Variants in DLG2 observed in about 807,000 individuals in gnomAD.
DLG2 encodes the protein disks large homolog 2.
In DLG2, 45 loss-of-function variants were observed where a neutral mutation model predicts 132.5. That is an observed-to-expected ratio of 0.34 (90% CI 0.27 to 0.44). The LOEUF is 0.44. DLG2 is among the 20% of genes least tolerant of loss of function. DLG2 has a pLI of 1.00. For missense variants in DLG2, 1,045 were observed against 1,196.9 expected (o/e 0.87, Z 1.87); for synonymous variants, 424 against 419.6 (o/e 1.01, Z -0.13).
chr11:84,670,426 T>C (rs898452982), intron 6 of DLG2, among the ~76,000 whole-genome samples: 2 of 152,118 alleles, frequency 1.3e-5, no homozygotes, highest in Admixed American at 6.6e-5. Context: ...TTCAGTGATA[T>C]GTTGCCTCTG....
intron 3 of DLG2, among the ~76,000 whole-genome samples, chr11:85,426,097 CCCGCCATTG>C (rs1285860806): frequency 6.6e-6 from 1 of 152,212 alleles, no homozygotes. Context: ...GGGAGGGGCG[CCCGCCATTG>C]CCGAGGCTTG....
At chr11:83,532,920 G>T in intron 20 of DLG2, 137 bp from the exon 21 acceptor site, 1 of 717,662 alleles carries the variant, frequency 1.4e-6, no homozygotes, top group Non-Finnish European at 2.2e-6. Context: ...CTCTTCCTTT[G>T]TTCCATATAA....
At chr11:84,991,585 A>C (rs762525679) in intron 6 of DLG2, among the ~76,000 whole-genome samples, 1 of 152,074 alleles carries the variant, frequency 6.6e-6, no homozygotes, top group Non-Finnish European at 1.5e-5. Flanking sequence ...GAGAAAAACA[A>C]GAAGAGGGAA....
At chr11:85,198,394 C>A (rs868349782) in intron 4 of DLG2, among the ~76,000 whole-genome samples, 24 of 152,096 alleles carry the variant, frequency 1.6e-4, no homozygotes, top group African/African-American at 5.6e-4. Context: ...TTTGGCACAT[C>A]ATTGAAGGAT....
intron 6 of DLG2, among the ~76,000 whole-genome samples, chr11:84,978,576 A>C (rs1298842843): frequency 1.3e-5 from 2 of 152,172 alleles, no homozygotes; most frequent in East Asian, 1.9e-4. Context: ...AGGATTCCCT[A>C]TTTAATAAAT....
intron 18 of DLG2, among the ~76,000 whole-genome samples, chr11:83,741,329 A>G (rs1756753676): frequency 6.6e-6 from 1 of 152,156 alleles, no homozygotes; most frequent in African/African-American, 2.4e-5. Context: ...GAAAGAAATA[A>G]AAGGTACCCA....
Position 84,507,052 on chromosome 11 carries a change from C to T in DLG2, c.519+27518G>A, listed in dbSNP as rs1337264879. 2.6e-5 allele frequency among the ~76,000 whole-genome samples: 4 copies of T among 152,144 alleles called. No homozygotes were observed. In the East Asian group the frequency reaches 5.8e-4, roughly 22 times the overall value. The stretch of plus-strand genomic sequence containing the variant: ...ATTTCTACTGAAAAGATAAATTTGC[C>T]AATAAAATTTTCTTCCAGCTTAGCA... On this transcript the variant is annotated intron_variant, in intron 7 of 27. Coordinates refer to ENST00000376104, the MANE Select transcript of DLG2 (RefSeq NM_001142699.3).
chr11:84,328,861 CA>C (rs1403648051), intron 7 of DLG2, among the ~76,000 whole-genome samples: 2 of 152,112 alleles, frequency 1.3e-5, no homozygotes. Context: ...TTTAATTAAC[CA>C]TCTTCTCCTC....
At chr11:83,499,935 C>G (rs2094383783) in intron 21 of DLG2, among the ~76,000 whole-genome samples, 1 of 135,496 alleles carries the variant, frequency 7.4e-6, no homozygotes, top group African/African-American at 2.7e-5. Context: ...ACTAATACGA[C>G]AGTCAAGAGC....
At chr11:84,262,328 G>C (rs1177794219) in intron 7 of DLG2, among the ~76,000 whole-genome samples, 2 of 152,152 alleles carry the variant, frequency 1.3e-5, no homozygotes, top group Admixed American at 1.3e-4. Flanking sequence ...GGAGAAGTTA[G>C]GTGGGAGGAA....
intron 12 of DLG2, among the ~76,000 whole-genome samples, chr11:83,975,236 G>C (rs1050479396): frequency 6.6e-6 from 1 of 151,996 alleles, no homozygotes; most frequent in Non-Finnish European, 1.5e-5. Context: ...CTGTTATGCT[G>C]TTAAACTCTG....
intron 6 of DLG2, among the ~76,000 whole-genome samples, chr11:84,826,187 TTG>T (rs2078307768): frequency 6.6e-6 from 1 of 151,870 alleles, no homozygotes; most frequent in Non-Finnish European, 1.5e-5. Flanking sequence ...CATTTATCCT[TTG>T]TGTTTCAAAC....
At chr11:83,905,413 A>T (rs558808037) in intron 15 of DLG2, among the ~76,000 whole-genome samples, 1 of 152,168 alleles carries the variant, frequency 6.6e-6, no homozygotes, top group East Asian at 1.9e-4. Flanking sequence ...TATTTCCTCA[A>T]GGAACTCTGG....
At chr11:83,477,691 T>C (rs938588084) in intron 22 of DLG2, among the ~76,000 whole-genome samples, 3 of 152,048 alleles carry the variant, frequency 2.0e-5, no homozygotes, top group Non-Finnish European at 4.4e-5. Context: ...GGATATGGAA[T>C]GGTAAAGTAT....
chr11:85,028,757 C>T (rs897335769), intron 6 of DLG2, among the ~76,000 whole-genome samples: 4 of 152,112 alleles, frequency 2.6e-5, no homozygotes, highest in African/African-American at 9.7e-5. Context: ...AGGGACACTT[C>T]CCAGCCCCTG....
At chr11:85,273,647 A>G (rs2077691381) in intron 4 of DLG2, among the ~76,000 whole-genome samples, 1 of 152,200 alleles carries the variant, frequency 6.6e-6, no homozygotes, top group African/African-American at 2.4e-5. Flanking sequence ...ACACTTTTAC[A>G]CTGTTGGTGG....
chr11:84,976,247 T>C (rs576238990), intron 6 of DLG2, among the ~76,000 whole-genome samples: 87 of 152,278 alleles, frequency 5.7e-4, no homozygotes, highest in Middle Eastern at 6.8e-3. Context: ...TTGATACATG[T>C]TTTCTGCAAG....
chr11:84,815,913 A>G (rs1230807681), intron 6 of DLG2, among the ~76,000 whole-genome samples: 1 of 152,018 alleles, frequency 6.6e-6, no homozygotes, highest in Non-Finnish European at 1.5e-5. Context: ...TTTTTCATGT[A>G]TCAGGCTCCA....
rs192418660 is a variant in DLG2 at position 83,505,930 on chromosome 11, G to A, written c.2194-21702C>T. 2.6e-5 allele frequency among the ~76,000 whole-genome samples: 4 copies of A among 152,270 alleles called. No homozygotes were observed. In the East Asian group the frequency reaches 5.8e-4, roughly 22 times the overall value. On this transcript the variant is annotated intron_variant, in intron 21 of 27. Transcript: ENST00000376104. ...ATAGGGAACTCCCCATGAGGCCATT[G>A]GTGCAGGGTGGCAGGAGTGGAGACC...
Sources: gnomAD v4.1 joint callset for allele counts (sites outside exome capture counted in the v4.1 genomes callset) on GRCh38, gnomAD v4.1.1 for gene constraint, MANE v1.5 for transcripts, NCBI Gene and HGNC (gene_info 2026-07-23, HGNC 2026-07-21) for gene names.